TRPM3: variants seen among roughly 807,000 people sequenced by gnomAD.
TRPM3 encodes the protein transient receptor potential cation channel subfamily M member 3.
A neutral mutation model predicts 181.2 loss-of-function variants in TRPM3; 77 were observed. The observed-to-expected ratio is 0.42, with a 90% CI of 0.35 to 0.51. The LOEUF is 0.51. TRPM3 is among the 20% of genes least tolerant of loss of function. The pLI is 0.01. For synonymous variants in TRPM3, 745 were observed against 796.4 expected (o/e 0.94, Z 1.09); for missense variants, 1,759 against 2,196.7 (o/e 0.80, Z 3.98).
chr9:71,297,137 G>A (rs1229713377), intron 1 of TRPM3, among the ~76,000 whole-genome samples: 1 of 151,880 alleles, frequency 6.6e-6, no homozygotes, highest in East Asian at 1.9e-4. Flanking sequence ...GACTACAGGT[G>A]TGCACCACCA....
intron 1 of TRPM3, among the ~76,000 whole-genome samples, chr9:71,143,672 T>A (rs771204852): frequency 1.2e-4 from 18 of 152,192 alleles, no homozygotes; most frequent in Non-Finnish European, 2.4e-4. Context: ...GTCTTTCTAA[T>A]AGAATGATTT....
intron 1 of TRPM3, among the ~76,000 whole-genome samples, chr9:71,023,097 C>G (rs933962697): frequency 2.0e-5 from 3 of 151,976 alleles, no homozygotes; most frequent in African/African-American, 7.3e-5. Context: ...TCATATCTGA[C>G]AAATAACTGT....
intron 1 of TRPM3, among the ~76,000 whole-genome samples, chr9:71,025,563 A>G (rs2097888165): frequency 6.6e-6 from 1 of 152,258 alleles, no homozygotes; most frequent in South Asian, 2.1e-4. Flanking sequence ...CTTATTAATA[A>G]AGACAAGCAT....
At chr9:70,903,197 C>T (rs1234076748) in intron 1 of TRPM3, among the ~76,000 whole-genome samples, 1 of 152,180 alleles carries the variant, frequency 6.6e-6, no homozygotes, top group Non-Finnish European at 1.5e-5. Flanking sequence ...TATAATAGGT[C>T]TTTTTTTCCA....
At chr9:71,334,964 G>C (rs912312031) in intron 1 of TRPM3, among the ~76,000 whole-genome samples, 7 of 151,978 alleles carry the variant, frequency 4.6e-5, no homozygotes, top group Non-Finnish European at 1.0e-4. Flanking sequence ...TCACTGAAGA[G>C]AAATCAATTA....
At chr9:71,144,997 A>G (rs1486497966) in intron 1 of TRPM3, among the ~76,000 whole-genome samples, 3 of 152,162 alleles carry the variant, frequency 2.0e-5, no homozygotes, top group Non-Finnish European at 4.4e-5. Flanking sequence ...GAAATATGCA[A>G]ATTATCTTAA....
intron 14 of TRPM3, among the ~76,000 whole-genome samples, chr9:70,624,686 C>T (rs1473675847): frequency 6.6e-6 from 1 of 152,158 alleles, no homozygotes; most frequent in Non-Finnish European, 1.5e-5. Flanking sequence ...GAATATCCTA[C>T]AACAGACTGA....
At chr9:71,161,681 G>GGTTT (rs2076279739) in intron 1 of TRPM3, among the ~76,000 whole-genome samples, 2 of 152,050 alleles carry the variant, frequency 1.3e-5, no homozygotes, top group Non-Finnish European at 2.9e-5. Flanking sequence ...ACAGTGAATA[G>GGTTT]GAGTACCTCT....
At chr9:71,125,538 A>G (rs1401981460), upstream of TRPM3, among the ~76,000 whole-genome samples, 1 of 152,030 alleles carries the variant, frequency 6.6e-6, no homozygotes, top group African/African-American at 2.4e-5. Flanking sequence ...CATTCTTTTT[A>G]TGGCTGCATA....
chr9:71,171,194 A>C (rs1854556), intron 1 of TRPM3, among the ~76,000 whole-genome samples: 65,181 of 152,010 alleles, frequency 0.43, 14,137 homozygotes, highest in East Asian at 0.52. Context: ...AAGATGTTAT[A>C]AATGACAATG....
At chr9:71,379,516 G>A (rs1361952196) in intron 1 of TRPM3, among the ~76,000 whole-genome samples, 8 of 151,924 alleles carry the variant, frequency 5.3e-5, no homozygotes, top group Admixed American at 4.6e-4. Flanking sequence ...CAGAGCAGTG[G>A]CTCTTAATTC....
At chr9:71,165,782 T>C (rs991073980) in intron 1 of TRPM3, among the ~76,000 whole-genome samples, 1 of 152,146 alleles carries the variant, frequency 6.6e-6, no homozygotes. Flanking sequence ...TTTACAGCCA[T>C]TGGTGAGAAA....
intron 1 of TRPM3, among the ~76,000 whole-genome samples, chr9:71,391,124 A>T (rs1193790484): frequency 6.6e-6 from 1 of 151,744 alleles, no homozygotes; most frequent in Non-Finnish European, 1.5e-5. Flanking sequence ...TCTCCCTAAG[A>T]CCACCGCTGC....
At chr9:71,427,903 G>A (rs1176983259) in intron 1 of TRPM3, among the ~76,000 whole-genome samples, 1 of 151,892 alleles carries the variant, frequency 6.6e-6, no homozygotes, top group Non-Finnish European at 1.5e-5. Context: ...CGTACCCCCT[G>A]GATCTGAAAT....
At chr9:71,277,125 A>C (rs1243359091) in intron 1 of TRPM3, among the ~76,000 whole-genome samples, 5 of 143,558 alleles carry the variant, frequency 3.5e-5, no homozygotes, top group Non-Finnish European at 7.8e-5. Flanking sequence ...ATTCCAAAAA[A>C]GCTTATTTTT....
chr9:70,805,535 A>G (rs13298605), intron 6 of TRPM3, among the ~76,000 whole-genome samples: 28 of 23,516 alleles, frequency 1.2e-3, no homozygotes, highest in Middle Eastern at 0.016. Flanking sequence ...CTCCATCTCG[A>G]AAAAAAAAAA....
intron 1 of TRPM3, among the ~76,000 whole-genome samples, chr9:71,261,437 A>G (rs1445553526): frequency 6.6e-6 from 1 of 152,132 alleles, no homozygotes; most frequent in South Asian, 2.1e-4. Context: ...GCTTCCTTGC[A>G]TTGGGTTATA....
chr9:71,275,821 G>T (rs2084163211), intron 1 of TRPM3, among the ~76,000 whole-genome samples: 1 of 151,092 alleles, frequency 6.6e-6, no homozygotes, highest in Non-Finnish European at 1.5e-5. Flanking sequence ...AGTTCATAAT[G>T]TAGATCAATG....
At chr9:71,181,070 C>T (rs1340606888) in intron 1 of TRPM3, among the ~76,000 whole-genome samples, 2 of 152,080 alleles carry the variant, frequency 1.3e-5, no homozygotes, top group South Asian at 2.1e-4. Context: ...AGACACTTCA[C>T]GAGTTGAATT....
Sources: gnomAD v4.1 joint callset for allele counts (sites outside exome capture counted in the v4.1 genomes callset) on GRCh38, gnomAD v4.1.1 for gene constraint, MANE v1.5 for transcripts, NCBI Gene and HGNC (gene_info 2026-07-23, HGNC 2026-07-21) for gene names.